COL4A5: variants seen among roughly 807,000 people sequenced by gnomAD.
COL4A5 encodes collagen type IV alpha 5 chain.
COL4A5 carries 26 observed loss-of-function variants against 130.2 expected under a neutral mutation model. The observed-to-expected ratio is 0.20, with a 90% CI of 0.15 to 0.28. The LOEUF is 0.28. Ranked by LOEUF, COL4A5 falls within the 10% of genes least tolerant of loss-of-function variation. COL4A5 has a pLI of 1.00. For missense variants in COL4A5, 1,131 were observed against 1,344.3 expected, an observed-to-expected ratio of 0.84 and a Z score of 2.48; for synonymous variants, 496 against 439.6, an observed-to-expected ratio of 1.13 and a Z score of -1.60.
At chrX:108,658,345 C>T in intron 37 of COL4A5, among the ~76,000 whole-genome samples, 1 of 110,848 alleles carries the variant, frequency 9.0e-6, no homozygotes, top group African/African-American at 3.3e-5. Context: ...TATTGTTGGA[C>T]TGGATTTGCT....
intron 1 of COL4A5, chrX:108,462,396 G>C (rs1483366493): frequency 9.0e-6 from 1 of 111,326 alleles, no homozygotes; most frequent in South Asian, 3.8e-4. Flanking sequence ...ACAGTCATAG[G>C]GTTATTTTAT....
intron 1 of COL4A5, among the ~76,000 whole-genome samples, chrX:108,474,209 G>T (rs1324970609): frequency 9.0e-6 from 1 of 111,449 alleles, no homozygotes. Context: ...TTCAAGCCTT[G>T]CAATGTCCAT....
intron 42 of COL4A5, chrX:108,670,615 T>G: frequency 3.0e-6 from 1 of 329,978 alleles, no homozygotes; most frequent in South Asian, 2.8e-5. Flanking sequence ...ATTCTTTTTT[T>G]AAACAATAAT....
At chrX:108,484,381 G>A (rs1016634031) in intron 1 of COL4A5, among the ~76,000 whole-genome samples, 6 of 111,682 alleles carry the variant, frequency 5.4e-5, no homozygotes, top group African/African-American at 2.0e-4. Context: ...ATGTTCATCT[G>A]TGTCTGGGCA....
intron 36 of COL4A5, among the ~76,000 whole-genome samples, chrX:108,645,958 A>G (rs971234898): frequency 3.3e-4 from 36 of 110,622 alleles, no homozygotes; most frequent in Admixed American, 9.6e-5. Context: ...TATGTGCCAC[A>G]TTTTCTTAAT....
intron 1 of COL4A5, among the ~76,000 whole-genome samples, chrX:108,512,836 T>G (rs1356288421): frequency 1.8e-5 from 2 of 111,441 alleles, no homozygotes; most frequent in East Asian, 2.8e-4. Flanking sequence ...GAGACAGGGT[T>G]TGAGAGCAAC....
At chrX:108,556,369 A>C (rs768859489) in intron 2 of COL4A5, among the ~76,000 whole-genome samples, 94 of 111,385 alleles carry the variant, frequency 8.4e-4, no homozygotes, top group Non-Finnish European at 1.6e-3. Flanking sequence ...TCAAGTGAAG[A>C]TGTTTCAGAC....
chrX:108,460,906 G>C (rs1217728839), intron 1 of COL4A5, among the ~76,000 whole-genome samples: 4 of 109,500 alleles, frequency 3.7e-5, no homozygotes, highest in Non-Finnish European at 7.6e-5. Flanking sequence ...CTTAGCACCA[G>C]CCTCTCTCAA....
chrX:108,665,976 CA>C (rs2068068983), intron 38 of COL4A5, among the ~76,000 whole-genome samples: 1 of 109,862 alleles, frequency 9.1e-6, no homozygotes, highest in South Asian at 3.9e-4. Flanking sequence ...TGCTTGAACC[CA>C]AGGGGTGGAG....
intron 16 of COL4A5, among the ~76,000 whole-genome samples, chrX:108,581,652 C>G (rs2066252182): frequency 9.0e-6 from 1 of 110,655 alleles, no homozygotes; most frequent in African/African-American, 3.3e-5. Flanking sequence ...TTGTATGTAG[C>G]CTTTCGAATC....
intron 1 of COL4A5, among the ~76,000 whole-genome samples, chrX:108,452,236 T>G (rs1176941126): frequency 1.8e-5 from 2 of 111,913 alleles, no homozygotes; most frequent in East Asian, 2.8e-4. Flanking sequence ...AGCCTTGTAG[T>G]ATAGTTTGAA....
At chrX:108,491,946 G>T (rs758319043) in intron 1 of COL4A5, among the ~76,000 whole-genome samples, 1 of 111,662 alleles carries the variant, frequency 9.0e-6, no homozygotes, top group South Asian at 3.7e-4. Context: ...CTTCCTAGGG[G>T]TAGGGATAAA....
chrX:108,519,196 G>T (rs1461477914), intron 1 of COL4A5, among the ~76,000 whole-genome samples: 2 of 111,179 alleles, frequency 1.8e-5, no homozygotes, highest in Non-Finnish European at 3.8e-5. Flanking sequence ...CCTTGGACTA[G>T]TAAAGAATGG....
chrX:108,521,711 G>T (rs760945057), intron 1 of COL4A5, among the ~76,000 whole-genome samples: 2 of 111,482 alleles, frequency 1.8e-5, no homozygotes, highest in South Asian at 3.8e-4. Flanking sequence ...AGGCTAACTT[G>T]TTAACTTTCA....
At chrX:108,613,656 C>A (rs1440011303) in intron 29 of COL4A5, among the ~76,000 whole-genome samples, 1 of 111,459 alleles carries the variant, frequency 9.0e-6, no homozygotes, top group East Asian at 2.8e-4. Flanking sequence ...AGAAGACACC[C>A]AAATGTCTAA....
At chrX:108,652,683 G>C (rs1431042700) in intron 36 of COL4A5, among the ~76,000 whole-genome samples, 1 of 112,062 alleles carries the variant, frequency 8.9e-6, no homozygotes, top group Non-Finnish European at 1.9e-5. Flanking sequence ...GTAGAGATTG[G>C]CTATGATCCA....
chrX:108,676,940 A>G (rs1363978342), intron 43 of COL4A5: 1 of 111,917 alleles, frequency 8.9e-6, no homozygotes. Context: ...TTTTTTCTAA[A>G]TTATTTATTC....
intron 2 of COL4A5, among the ~76,000 whole-genome samples, chrX:108,540,938 T>G (rs1421374213): frequency 8.9e-6 from 1 of 112,298 alleles, no homozygotes; most frequent in Non-Finnish European, 1.9e-5. Context: ...GATCATACTC[T>G]TGTCTCCACT....
chrX:108,448,207 A>C (rs946038465), intron 1 of COL4A5, among the ~76,000 whole-genome samples: 3 of 112,289 alleles, frequency 2.7e-5, no homozygotes, highest in African/African-American at 9.7e-5. Flanking sequence ...GCTTTTGCTA[A>C]ATTTAATTTT....
Sources: allele counts gnomAD v4.1 joint callset (sites outside exome capture counted in the v4.1 genomes callset), GRCh38; gene constraint gnomAD v4.1.1; transcripts MANE v1.5; gene names NCBI Gene and HGNC (gene_info 2026-07-23, HGNC 2026-07-21).